Variants in INTS4 observed in about 807,000 individuals in gnomAD.
The protein encoded by INTS4 is integrator complex subunit 4.
INTS4 carries 70 observed loss-of-function variants against 119.5 expected under a neutral mutation model. The observed-to-expected ratio is 0.59, with a 90% confidence interval of 0.48 to 0.71. The LOEUF (loss-of-function observed/expected upper bound fraction) is 0.71, where lower values mean the gene tolerates loss of function less well. Among genes scored for constraint, INTS4 ranks in the 30% least tolerant of loss-of-function variants. INTS4 has a pLI of 0.00. For synonymous variants in INTS4, 316 were observed against 419.6 expected (o/e 0.75, Z 3.02); for missense variants, 867 against 1,173.2 (o/e 0.74, Z 3.81).
intron 16 of INTS4, among the ~76,000 whole-genome samples, chr11:77,907,413 A>G (rs754609646): frequency 2.0e-5 from 3 of 152,344 alleles, no homozygotes; most frequent in Non-Finnish European, 4.4e-5. Context: ...AAAACTTCAT[A>G]CAATTCCTTT....
intron 10 of INTS4, among the ~76,000 whole-genome samples, chr11:77,935,903 A>AAGAAAAGAAAAGAAAGAGAG: frequency 1.1e-5 from 1 of 86,996 alleles, no homozygotes; most frequent in Non-Finnish European, 2.1e-5. Context: ...CTCAAAAAAA[A>AAGAAAAGAAAAGAAAGAGAG]AAAAAAGAAA....
At chr11:77,952,579 T>C (rs1417624745) in intron 8 of INTS4, among the ~76,000 whole-genome samples, 1 of 152,214 alleles carries the variant, frequency 6.6e-6, no homozygotes. Flanking sequence ...TACATAGTAG[T>C]AATTATTATT....
At chr11:77,897,871 T>C (rs1157434034) in intron 18 of INTS4, among the ~76,000 whole-genome samples, 1 of 152,132 alleles carries the variant, frequency 6.6e-6, no homozygotes, top group Non-Finnish European at 1.5e-5. Context: ...TGCAATAGCA[T>C]GATCATAGCT....
chr11:77,889,098 T>C (rs1215013449), intron 21 of INTS4, among the ~76,000 whole-genome samples: 1 of 152,142 alleles, frequency 6.6e-6, no homozygotes, highest in African/African-American at 2.4e-5. Flanking sequence ...GGATTATAAA[T>C]CATGCTGCTA....
At chr11:77,960,462 T>C in intron 5 of INTS4, 71 bp from the exon 6 acceptor site, 3 of 1,145,028 alleles carry the variant, frequency 2.6e-6, no homozygotes. Flanking sequence ...CCCCACAATC[T>C]CACATATTTT....
Position 77,928,562 on chromosome 11 carries a change from A to G in INTS4, c.1166-15T>C. 6.4e-7 allele frequency: 1 copy of G among 1,553,180 alleles called. No homozygotes were observed. Among genetic ancestry groups the G allele is most frequent in the East Asian group, 2.4e-5 (1 of 41,212 alleles). On this transcript the variant is annotated splice_polypyrimidine_tract_variant and intron_variant, in intron 10 of 22. Transcript: ENST00000534064. ...AATACGAACCTCTAGAAAAAAGAACAAATGAAATTGCACATCAGGCTGGGC... is the reference window on the plus strand; with the variant it reads ...AATACGAACCTCTAGAAAAAAGAACGAATGAAATTGCACATCAGGCTGGGC...
downstream of INTS4, among the ~76,000 whole-genome samples, chr11:77,876,208 C>G (rs1951589845): frequency 6.6e-6 from 1 of 152,128 alleles, no homozygotes; most frequent in South Asian, 2.1e-4. Context: ...GCTCTGACTG[C>G]TGGGTGCATG....
At chr11:77,884,338 T>C (rs1489638933) in intron 21 of INTS4, among the ~76,000 whole-genome samples, 1 of 152,222 alleles carries the variant, frequency 6.6e-6, no homozygotes, top group African/African-American at 2.4e-5. Flanking sequence ...TGGAGTTATT[T>C]TGTAATTGCA....
chr11:77,987,340 T>C (rs1856495874), intron 2 of INTS4: 1 of 186,258 alleles, frequency 5.4e-6, no homozygotes, highest in Admixed American at 5.9e-5. Context: ...CTTAGTTCCA[T>C]ATCTGGAATT....
rs570340372 is a variant in INTS4 at position 77,954,283 on chromosome 11, T to A, written c.918+1659A>T. Among the ~76,000 whole-genome samples the A allele has an allele frequency of 2.1e-3, 321 of 151,710 alleles. 5 individuals carry two copies. The highest frequency in any genetic ancestry group is 6.0e-3 in the African/African-American group (248 of 41,410). ...CATCTAGAAAATGATAACAGCATTT[T>A]AAAAAAAAAATTTTTTTTTAATTTT... On this transcript the variant is annotated intron_variant, in intron 8 of 22. Transcript: ENST00000534064.
At chr11:77,969,757 C>T (rs1376255576) in intron 4 of INTS4, among the ~76,000 whole-genome samples, 1 of 149,412 alleles carries the variant, frequency 6.7e-6, no homozygotes, top group African/African-American at 2.5e-5. Context: ...AGAAAGATCC[C>T]CTCCTGCAAA....
chr11:77,926,790 G>A (rs1324207675), intron 11 of INTS4, among the ~76,000 whole-genome samples: 2 of 147,390 alleles, frequency 1.4e-5, no homozygotes, highest in East Asian at 3.9e-4. Context: ...CCACCCTGGG[G>A]AACAGAGCGA....
intron 22 of INTS4, 107 bp downstream of exon 22, chr11:77,883,725 C>T (rs757583072): frequency 1.8e-5 from 21 of 1,186,462 alleles, no homozygotes; most frequent in Non-Finnish European, 2.4e-5. Flanking sequence ...TCTTACAAGG[C>T]CTGATTCATC....
At chr11:77,957,663 CTTTTTTTTT>C (rs1159914263) in intron 7 of INTS4, among the ~76,000 whole-genome samples, 1 of 110,706 alleles carries the variant, frequency 9.0e-6, no homozygotes. Flanking sequence ...AACTGAACTT[CTTTTTTTTT>C]TTTTTTTTTT....
chr11:77,925,175 G>A (rs1364663201), intron 11 of INTS4, among the ~76,000 whole-genome samples: 1 of 152,170 alleles, frequency 6.6e-6, no homozygotes, highest in Non-Finnish European at 1.5e-5. Context: ...CTAGGAAAAA[G>A]GACAGGCTAA....
At chr11:77,976,820 G>T (rs1216208218) in intron 4 of INTS4, among the ~76,000 whole-genome samples, 1 of 152,046 alleles carries the variant, frequency 6.6e-6, no homozygotes, top group Non-Finnish European at 1.5e-5. Context: ...GCAAACTATT[G>T]CAAGGACAAA....
chr11:77,981,377 C>T (rs1856213585), intron 3 of INTS4, 82 bp downstream of exon 3: 3 of 559,820 alleles, frequency 5.4e-6, no homozygotes, highest in African/African-American at 3.8e-5. Context: ...ACAATCAACA[C>T]AACAAAATTT....
At chr11:77,877,761 TAA>T (rs1227109088), downstream of INTS4, among the ~76,000 whole-genome samples, 4 of 151,896 alleles carry the variant, frequency 2.6e-5, no homozygotes, top group Non-Finnish European at 5.9e-5. Flanking sequence ...TTTTTTTTTT[TAA>T]ACAGAGATGG....
intron 10 of INTS4, among the ~76,000 whole-genome samples, chr11:77,937,271 A>G (rs1414740423): frequency 6.6e-6 from 1 of 152,224 alleles, no homozygotes; most frequent in Non-Finnish European, 1.5e-5. Flanking sequence ...ACAAACTCCA[A>G]ACAAAAGAAA....
Sources: allele counts gnomAD v4.1 joint callset (sites outside exome capture counted in the v4.1 genomes callset), GRCh38; gene constraint gnomAD v4.1.1; transcripts MANE v1.5; gene names NCBI Gene and HGNC (gene_info 2026-07-23, HGNC 2026-07-21).